Variants in RPS6KA2 observed in about 807,000 individuals in gnomAD.
RPS6KA2 encodes ribosomal protein S6 kinase A2.
In RPS6KA2, 42 loss-of-function variants were observed where a neutral mutation model predicts 91.8. The ratio of observed to expected loss-of-function variants is 0.46; its 90% CI spans 0.36 to 0.59. RPS6KA2 has a LOEUF of 0.59. Ranked by LOEUF, RPS6KA2 falls within the 20% of genes least tolerant of loss-of-function variation. The pLI is 0.00. For synonymous variants in RPS6KA2, 414 were observed against 393.6 expected, an observed-to-expected ratio of 1.05 and a Z score of -0.61; for missense variants, 798 against 978.5, an observed-to-expected ratio of 0.82 and a Z score of 2.46.
rs77342443 is a variant in RPS6KA2 at position 166,434,880 on chromosome 6, G to A, written c.1333-2390C>T. Among the ~76,000 whole-genome samples, 1,223 of 152,232 alleles carry A rather than the reference G, an allele frequency of 8.0e-3. 14 individuals are homozygous for A. The highest frequency in any genetic ancestry group is 0.028 in the African/African-American group (1,178 of 41,526). On this transcript the variant is annotated intron_variant, in intron 14 of 20. Transcript: ENST00000265678. This position sits in a 1 kb window ranked among gnomAD's most constrained non-coding sequence, Gnocchi z 4.4. ...AATGGAGAGAAGAATGCAGATAGAC[G>A]CATCCATTTCCTTGTGGGTGCATAA...
At chr6:166,652,554 A>G (rs1787884455) in intron 2 of RPS6KA2, among the ~76,000 whole-genome samples, 3 of 152,026 alleles carry the variant, frequency 2.0e-5, no homozygotes, top group Non-Finnish European at 4.4e-5. Context: ...GTTATGTCCT[A>G]TTTTTGCCCG....
Position 166,451,139 on chromosome 6 carries a change from T to G in RPS6KA2, c.1170A>C (p.Gln390His). 6.2e-7 allele frequency: 1 copy of G among 1,614,104 alleles called. No homozygotes were observed. Among genetic ancestry groups the G allele is most frequent in the East Asian group, 2.2e-5 (1 of 44,876 alleles). The change falls in exon 13 of 21, where the codon CAA (glutamine) becomes CAC (histidine). Residue 390 changes from glutamine to histidine, a missense_variant. Physicochemically the swap from Gln to His is conservative, Grantham distance 24. Coordinates refer to ENST00000265678, the MANE Select transcript of RPS6KA2 (RefSeq NM_021135.6). ...GGTGAACTGGGACTTTGTGCAGATCTTGCTGTGAGGGCTCCTGGATCAGGC... is the reference window on the plus strand; with the variant it reads ...GGTGAACTGGGACTTTGTGCAGATCGTGCTGTGAGGGCTCCTGGATCAGGC... ...ASSLIQEPSQ[Q>H]DLHKVPVHPI... is the part of the protein sequence containing the mutation.
intron 2 of RPS6KA2, among the ~76,000 whole-genome samples, chr6:166,677,062 C>T (rs1450479146): frequency 6.6e-6 from 1 of 152,158 alleles, no homozygotes; most frequent in African/African-American, 2.4e-5. Flanking sequence ...CTCAATTCTA[C>T]CAAATTTAGG....
intron 2 of RPS6KA2, among the ~76,000 whole-genome samples, chr6:166,745,706 C>T (rs1042111096): frequency 3.3e-5 from 5 of 152,178 alleles, no homozygotes; most frequent in African/African-American, 7.2e-5. Context: ...CTGGGCGCTG[C>T]GGCAAAAATG....
intron 2 of RPS6KA2, among the ~76,000 whole-genome samples, chr6:166,660,325 TGCATGTGTGTGTGTGC>T (rs1236398848): frequency 6.6e-6 from 1 of 151,678 alleles, no homozygotes; most frequent in Non-Finnish European, 1.5e-5. Context: ...TGTGTGTGTG[TGCATGTGTGTGTGTGC>T]GGGTTGGTGT....
chr6:166,743,597 G>A (rs1790881081), intron 2 of RPS6KA2, among the ~76,000 whole-genome samples: 1 of 152,166 alleles, frequency 6.6e-6, no homozygotes, highest in Non-Finnish European at 1.5e-5. Flanking sequence ...CCACACCCCG[G>A]GGAGCTACCG....
At chr6:166,582,009 G>A (rs369682312) in intron 1 of RPS6KA2, among the ~76,000 whole-genome samples, 5 of 62,002 alleles carry the variant, frequency 8.1e-5, no homozygotes, top group Non-Finnish European at 1.6e-4. Context: ...ACAGGGAGAG[G>A]TGAGATGGGG....
At chr6:166,529,276 A>G (rs1466798381) in intron 3 of RPS6KA2, among the ~76,000 whole-genome samples, 1 of 152,252 alleles carries the variant, frequency 6.6e-6, no homozygotes, top group Non-Finnish European at 1.5e-5. Flanking sequence ...TTGTAGGGAC[A>G]TGGATGAAGC....
intron 1 of RPS6KA2, among the ~76,000 whole-genome samples, chr6:166,591,058 A>G (rs1398011810): frequency 6.6e-6 from 1 of 152,252 alleles, no homozygotes; most frequent in African/African-American, 2.4e-5. Flanking sequence ...TCTCTTCTAC[A>G]TATTAAATGC....
rs564233771 is a variant in RPS6KA2 at position 166,616,453 on chromosome 6, T to C, written c.99+10468A>G. 9.2e-5 allele frequency among the ~76,000 whole-genome samples: 14 copies of C among 152,342 alleles called. 1 individual carries two copies. In the South Asian group the frequency reaches 2.7e-3, roughly 29 times the overall value. ...GCTCTCATGCCTGCCTGAGGCCATG[T>C]CAACCGAGTCGCTCCTGTCCAGCAA... On this transcript the variant is annotated intron_variant, in intron 1 of 20. Coordinates refer to ENST00000265678, the MANE Select transcript of RPS6KA2 (RefSeq NM_021135.6).
rs1778339197 is a variant in RPS6KA2 at position 166,412,464 on chromosome 6, G to A, written c.*298C>T. 4.2e-6 allele frequency: 1 copy of A among 235,792 alleles called. No homozygotes were observed. Among genetic ancestry groups the A allele is most frequent in the African/African-American group, 2.2e-5 (1 of 44,446 alleles). 14.6% of individuals were successfully genotyped at this position (235,792 alleles called of 1,614,324 possible). On this transcript the variant is annotated 3_prime_UTR_variant, in exon 21 of 21. Transcript: ENST00000265678. This position sits in a 1 kb window ranked among gnomAD's most constrained non-coding sequence, Gnocchi z 4.3. ...CAGAAACAGAAGCCATGTATGAGAG[G>A]ACCCGCGGGCTCTGAAAGAAGCCCC...
At chr6:166,546,879 C>T (rs965939223) in intron 1 of RPS6KA2, among the ~76,000 whole-genome samples, 7 of 152,172 alleles carry the variant, frequency 4.6e-5, no homozygotes, top group South Asian at 4.1e-4. Flanking sequence ...GTAAAGAAAA[C>T]GCACATCCCA....
In RPS6KA2 at chr6:166,669,491, C is replaced by A. The variant is rs893258661; in HGVS notation, c.124-130707G>T. Among the ~76,000 whole-genome samples, 4 of 152,226 alleles carry A rather than the reference C, an allele frequency of 2.6e-5. No homozygotes were observed. The East Asian group carries it at 5.8e-4, about 22-fold the overall frequency. On this transcript the variant is annotated intron_variant, in intron 2 of 21. Transcript: ENST00000503859. Reference sequence around the variant, plus strand: ...GCCTCTGTTGGGGGTTGAGAACCTGCCCCAAGTCAGGTCCTACTGCGTTTT... The same window carrying A: ...GCCTCTGTTGGGGGTTGAGAACCTGACCCAAGTCAGGTCCTACTGCGTTTT...
At chr6:166,636,919 G>A (rs1312662645) in intron 2 of RPS6KA2, among the ~76,000 whole-genome samples, 1 of 152,224 alleles carries the variant, frequency 6.6e-6, no homozygotes, top group Non-Finnish European at 1.5e-5. Flanking sequence ...AAAAAAAAGT[G>A]CTGAGAGGCT....
intron 1 of RPS6KA2, among the ~76,000 whole-genome samples, chr6:166,608,347 T>C (rs993635487): frequency 2.6e-5 from 4 of 152,220 alleles, no homozygotes; most frequent in African/African-American, 9.6e-5. Context: ...CTTATTTGTA[T>C]GGTAGTAACC....
intron 14 of RPS6KA2, among the ~76,000 whole-genome samples, chr6:166,442,481 T>C (rs1779551219): frequency 6.6e-6 from 1 of 152,232 alleles, no homozygotes; most frequent in Non-Finnish European, 1.5e-5. Flanking sequence ...AATTACACCG[T>C]GGGATGCTGT....
At chr6:166,466,243 G>A (rs1441916495) in intron 11 of RPS6KA2, among the ~76,000 whole-genome samples, 2 of 152,222 alleles carry the variant, frequency 1.3e-5, no homozygotes, top group Non-Finnish European at 2.9e-5. Flanking sequence ...GAGGCGCTGT[G>A]TAGAGAAGGC....
chr6:166,760,089 A>C (rs944929288), intron 2 of RPS6KA2, among the ~76,000 whole-genome samples: 2 of 152,226 alleles, frequency 1.3e-5, no homozygotes, highest in Non-Finnish European at 2.9e-5. Flanking sequence ...ATTGTTTCAA[A>C]TACACAGGAA....
chr6:166,512,658 G>T (rs60586364), intron 3 of RPS6KA2, among the ~76,000 whole-genome samples: 11,659 of 152,126 alleles, frequency 0.077, 1,521 homozygotes, highest in African/African-American at 0.27. Flanking sequence ...GGTGACCGTG[G>T]TGTATGGCCC....
Sources: allele counts gnomAD v4.1 joint callset (sites outside exome capture counted in the v4.1 genomes callset), GRCh38; gene constraint gnomAD v4.1.1; non-coding constraint Gnocchi (gnomAD v3.1); transcripts MANE v1.5; gene names NCBI Gene and HGNC (gene_info 2026-07-23, HGNC 2026-07-21).